Variants in PRDM4 observed in about 807,000 individuals in gnomAD.
PRDM4 encodes the protein PR domain zinc finger protein 4.
PRDM4 carries 38 observed loss-of-function variants against 62.3 expected under a neutral mutation model. The observed-to-expected ratio is 0.61, with a 90% confidence interval of 0.47 to 0.80. The LOEUF (loss-of-function observed/expected upper bound fraction) is 0.80, where lower values mean the gene tolerates loss of function less well. Among genes scored for constraint, PRDM4 ranks in the 30% least tolerant of loss-of-function variants. The pLI, the probability that PRDM4 is intolerant of heterozygous loss-of-function variation, is 0.00. For synonymous variants in PRDM4, 339 were observed against 348.2 expected (o/e 0.97, Z 0.30); for missense variants, 858 against 997.1 (o/e 0.86, Z 1.88).
chr12:107,751,131 A>G (rs558001797), intron 5 of PRDM4, among the ~76,000 whole-genome samples: 3 of 152,352 alleles, frequency 2.0e-5, no homozygotes, highest in Non-Finnish European at 2.9e-5. Context: ...ACAGGCACAC[A>G]CTACCGCATG....
chr12:107,744,798 G>T (rs918310144), intron 6 of PRDM4, 137 bp from the exon 7 acceptor site: 38 of 1,233,336 alleles, frequency 3.1e-5, no homozygotes, highest in Non-Finnish European at 3.9e-5. Context: ...GGTGGCTCAC[G>T]CCTGTTATCC....
chr12:107,755,993 G>C (rs1891053649), intron 3 of PRDM4, among the ~76,000 whole-genome samples: 1 of 152,212 alleles, frequency 6.6e-6, no homozygotes, highest in Admixed American at 6.5e-5. Flanking sequence ...TGCTGAGGCA[G>C]GAGAATTGCT....
At chr12:107,747,108 T>G (rs1230806009) in intron 5 of PRDM4, among the ~76,000 whole-genome samples, 1 of 151,854 alleles carries the variant, frequency 6.6e-6, no homozygotes, top group African/African-American at 2.4e-5. Context: ...CACAGTGAGA[T>G]CCCATCTGTT....
At chr12:107,739,051 C>T (rs565548019) in intron 11 of PRDM4, 9 of 200,938 alleles carry the variant, frequency 4.5e-5, no homozygotes, top group Non-Finnish European at 9.2e-5. Context: ...TCTTCTCACT[C>T]CATCACTCTC....
At chr12:107,742,522 A>G in intron 8 of PRDM4, 174 bp from the exon 9 acceptor site, 1 of 690,694 alleles carries the variant, frequency 1.4e-6, no homozygotes, top group Non-Finnish European at 2.4e-6. Context: ...GTAGAGAAAC[A>G]GAATTCTTAC....
At chr12:107,756,691 A>G in intron 3 of PRDM4, 141 bp downstream of exon 3, 2 of 977,824 alleles carry the variant, frequency 2.0e-6, no homozygotes, top group Non-Finnish European at 1.5e-6. Context: ...TACCTATCAC[A>G]TGTTGAACCA....
At position 107,733,578 on chromosome 12, in the gene PRDM4, GACT is replaced by G. The variant is rs1593158195; in HGVS notation, c.*629_*631del. On this transcript the variant is annotated 3_prime_UTR_variant, in exon 12 of 12. Transcript: ENST00000228437. ...CTCTCCTCTTGTTCTCTCCATCACT[GACT>G]ACTGACTGACTGCTGCTTTTTTATT... 1 of 152,550 alleles carries G rather than the reference GACT, an allele frequency of 6.6e-6. No individual in the cohort carries two copies. Among genetic ancestry groups the G allele is most frequent in the South Asian group, 2.1e-4 (1 of 4,842 alleles). 9.4% of individuals were successfully genotyped at this position (152,550 alleles called of 1,614,324 possible).
rs896395953 is a variant in PRDM4 at position 107,753,203 on chromosome 12, CTCTT to C, written c.331+717_331+720del. Among the ~76,000 whole-genome samples the C allele has an allele frequency of 1.4e-3, 207 of 152,180 alleles. 1 individual carries two copies. Among genetic ancestry groups the C allele is most frequent in the African/African-American group, 4.9e-3 (203 of 41,550 alleles). On this transcript the variant is annotated intron_variant, in intron 4 of 11. Transcript: ENST00000228437. ...CCTCGGCAACATGCCAAAACCCCAT[CTCTT>C]TTTTTAAAAAAGTTATTTATAAAAA...
chr12:107,759,406 G>C (rs1891159065), intron 2 of PRDM4, among the ~76,000 whole-genome samples: 1 of 152,186 alleles, frequency 6.6e-6, no homozygotes, highest in Non-Finnish European at 1.5e-5. Flanking sequence ...CACTACAGCT[G>C]TAACAGCCTA....
intron 5 of PRDM4, among the ~76,000 whole-genome samples, chr12:107,751,053 G>A (rs1046688354): frequency 3.3e-5 from 5 of 152,120 alleles, no homozygotes; most frequent in Non-Finnish European, 5.9e-5. Context: ...TGGGATCACA[G>A]AACACTATAG....
intron 2 of PRDM4, among the ~76,000 whole-genome samples, chr12:107,759,336 G>A (rs1286235424): frequency 6.6e-6 from 1 of 152,148 alleles, no homozygotes; most frequent in Non-Finnish European, 1.5e-5. Flanking sequence ...GCTTGAGTTG[G>A]TTTAAAACAG....
At chr12:107,760,176 CA>C (rs1891193698) in intron 2 of PRDM4, among the ~76,000 whole-genome samples, 1 of 152,118 alleles carries the variant, frequency 6.6e-6, no homozygotes, top group Admixed American at 6.6e-5. Context: ...GCCATACCAG[CA>C]AAACTCAAGG....
Position 107,751,397 on chromosome 12 carries a change from A to G in PRDM4, c.1126+18T>C, listed in dbSNP as rs1235742400. On this transcript the variant is annotated intron_variant, in intron 5 of 11. Coordinates refer to ENST00000228437, the MANE Select transcript of PRDM4 (RefSeq NM_012406.4). Reference sequence around the variant, plus strand: ...TTTTTACAAATATTTCCAAAAAAGAAAGGCTAAACACACTCACAAATTGTA... The same window carrying G: ...TTTTTACAAATATTTCCAAAAAAGAGAGGCTAAACACACTCACAAATTGTA... The G allele has an allele frequency of 6.3e-7, 1 of 1,578,380 alleles. No individual in the cohort carries two copies. The highest frequency in any genetic ancestry group is 2.3e-5 in the East Asian group (1 of 44,218).
intron 4 of PRDM4, among the ~76,000 whole-genome samples, chr12:107,753,146 C>T (rs997348816): frequency 6.6e-6 from 1 of 152,090 alleles, no homozygotes; most frequent in Non-Finnish European, 1.5e-5. Flanking sequence ...CTGACGTGGG[C>T]GGATGGCTTC....
At position 107,757,818 on chromosome 12, in the gene PRDM4, C is replaced by G. The variant is rs373672231; in HGVS notation, c.12-853G>C. Among the ~76,000 whole-genome samples the G allele has an allele frequency of 2.6e-5, 4 of 152,286 alleles. No individual in the cohort carries two copies. In the East Asian group the frequency reaches 5.8e-4, roughly 22 times the overall value. Reference sequence around the variant, plus strand: ...CCTTTTCTATGCAAACCATCTTGCACTGCCATTACAAATGTCTTTCGAATA... The same window carrying G: ...CCTTTTCTATGCAAACCATCTTGCAGTGCCATTACAAATGTCTTTCGAATA... On this transcript the variant is annotated intron_variant, in intron 2 of 11. Coordinates refer to ENST00000228437, the MANE Select transcript of PRDM4 (RefSeq NM_012406.4).
intron 10 of PRDM4, 137 bp from the exon 11 acceptor site, chr12:107,739,688 G>A: frequency 1.2e-6 from 1 of 846,984 alleles, no homozygotes; most frequent in Non-Finnish European, 1.8e-6. Context: ...TACTTTCTAG[G>A]GTTGTCTATG....
At position 107,739,561 on chromosome 12, in the gene PRDM4, G is replaced by A; in HGVS notation, c.1925-10C>T. 1.2e-6 allele frequency: 2 copies of A among 1,611,312 alleles called. No homozygotes were observed. The highest frequency in any genetic ancestry group is 8.5e-7 in the Non-Finnish European group (1 of 1,178,522). ...CTGTAGTTCTTCTGACCTGCAATCAGCCCAAAGTATTACACCGTGAAGAAA... is the reference window on the plus strand; with the variant it reads ...CTGTAGTTCTTCTGACCTGCAATCAACCCAAAGTATTACACCGTGAAGAAA... On this transcript the variant is annotated splice_polypyrimidine_tract_variant and intron_variant, in intron 10 of 11. Coordinates refer to ENST00000228437, the MANE Select transcript of PRDM4 (RefSeq NM_012406.4).
At chr12:107,740,657 G>C (rs947354082) in intron 10 of PRDM4, among the ~76,000 whole-genome samples, 1 of 152,080 alleles carries the variant, frequency 6.6e-6, no homozygotes, top group African/African-American at 2.4e-5. Flanking sequence ...TCTAATGAGA[G>C]GCTCAGACTC....
chr12:107,754,487 A>G (rs1435109280), intron 3 of PRDM4, among the ~76,000 whole-genome samples: 1 of 152,064 alleles, frequency 6.6e-6, no homozygotes. Context: ...GGTTCAAGCA[A>G]TTCTCCTACC....
Sources: allele counts gnomAD v4.1 joint callset (sites outside exome capture counted in the v4.1 genomes callset), GRCh38; gene constraint gnomAD v4.1.1; transcripts MANE v1.5; gene names NCBI Gene and HGNC (gene_info 2026-07-23, HGNC 2026-07-21).